The following CFAP61 variants were observed in gnomAD, a reference collection of about 807,000 sequenced individuals.
CFAP61 encodes cilia- and flagella-associated protein 61.
A neutral mutation model predicts 135.6 loss-of-function variants in CFAP61; 107 were observed. That is an observed-to-expected ratio of 0.79 (90% CI 0.67 to 0.93). The LOEUF (loss-of-function observed/expected upper bound fraction) is 0.93, where lower values mean the gene tolerates loss of function less well. CFAP61 is among the 40% of genes least tolerant of loss of function. The pLI is 0.00. For missense variants in CFAP61, 1,507 were observed against 1,556.2 expected (o/e 0.97, Z 0.53); for synonymous variants, 575 against 578.5 (o/e 0.99, Z 0.09).
chr20:20,175,307 T>G (rs1207423665), intron 13 of CFAP61, among the ~76,000 whole-genome samples: 1 of 152,212 alleles, frequency 6.6e-6, no homozygotes, highest in Non-Finnish European at 1.5e-5. Context: ...TGCTCTTCAG[T>G]TCCACTGCAA....
intron 15 of CFAP61, among the ~76,000 whole-genome samples, chr20:20,193,855 C>T: frequency 6.6e-6 from 1 of 152,152 alleles, no homozygotes; most frequent in East Asian, 1.9e-4. Flanking sequence ...TTCAGATGAT[C>T]TGCCCCCCTC....
rs1444759477 is a variant in CFAP61 at position 20,070,897 on chromosome 20, G to C, written c.187G>C (p.Glu63Gln). 1 of 1,614,078 alleles carries C rather than the reference G, an allele frequency of 6.2e-7. No individual in the cohort carries two copies. ...LAVTLCNDKE[E>Q]IMAQATFLDY... ...TGTTACCCTCTGCAATGACAAGGAG[G>C]AGATCATGGCCCAGGCCACCTTCCT... Residue 63 changes from glutamate to glutamine, a missense_variant, in exon 3 of 27, where the codon GAG becomes CAG. By Grantham distance (29) the Glu-to-Gln change is conservative. Coordinates refer to ENST00000245957, the MANE Select transcript of CFAP61 (RefSeq NM_015585.4).
Position 20,081,700 on chromosome 20 carries a change from A to T in CFAP61, c.566+6085A>T, listed in dbSNP as rs79454108. ...TTTTTCTCTTGAAAACTTGAGTGCTATGGACTATAACCTTCAGTGGACAAG... is the reference window on the plus strand; with the variant it reads ...TTTTTCTCTTGAAAACTTGAGTGCTTTGGACTATAACCTTCAGTGGACAAG... On this transcript the variant is annotated intron_variant, in intron 6 of 26. Coordinates refer to ENST00000245957, the MANE Select transcript of CFAP61 (RefSeq NM_015585.4). Among the ~76,000 whole-genome samples the T allele has an allele frequency of 3.6e-3, 543 of 152,136 alleles. 3 individuals are homozygous for T. The highest frequency in any genetic ancestry group is 0.013 in the African/African-American group (525 of 41,480).
chr20:20,358,001 A>G (rs1602195455), intron 26 of CFAP61, among the ~76,000 whole-genome samples: 1 of 109,692 alleles, frequency 9.1e-6, no homozygotes, highest in Non-Finnish European at 1.8e-5. Context: ...GTGTGAGGGG[A>G]GGTGGTCACA....
chr20:20,224,843 G>T (rs539796709), intron 17 of CFAP61, among the ~76,000 whole-genome samples: 1 of 152,026 alleles, frequency 6.6e-6, no homozygotes, highest in Non-Finnish European at 1.5e-5. Flanking sequence ...CTTACAATTC[G>T]CCCTGTTTAA....
chr20:20,278,630 TGG>T (rs1324650206), intron 22 of CFAP61, among the ~76,000 whole-genome samples: 5 of 151,762 alleles, frequency 3.3e-5, no homozygotes, highest in Non-Finnish European at 5.9e-5. Flanking sequence ...TACCTAGGAG[TGG>T]GGGGTGATCA....
chr20:20,175,933 G>A (rs1601184817), intron 13 of CFAP61, among the ~76,000 whole-genome samples: 1 of 151,968 alleles, frequency 6.6e-6, no homozygotes, highest in Non-Finnish European at 1.5e-5. Flanking sequence ...TACAGAATGC[G>A]AGAAAATTTT....
intron 25 of CFAP61, among the ~76,000 whole-genome samples, chr20:20,329,238 T>C (rs1039429208): frequency 6.6e-6 from 1 of 152,132 alleles, no homozygotes; most frequent in Admixed American, 6.5e-5. Flanking sequence ...GGGGCCCTTA[T>C]CCAGCTCCAT....
chr20:20,291,861 T>G (rs1171802681), intron 24 of CFAP61, among the ~76,000 whole-genome samples: 1 of 152,230 alleles, frequency 6.6e-6, no homozygotes, highest in East Asian at 1.9e-4. Flanking sequence ...TATGTCACGT[T>G]TGATTTTTAA....
At chr20:20,075,398 C>T (rs78265606) in intron 5 of CFAP61, 91 bp from the exon 6 acceptor site, 16,455 of 1,348,172 alleles carry the variant, frequency 0.012, 122 homozygotes, top group Non-Finnish European at 0.016. Context: ...AACAATTAAG[C>T]ACAATTTAGA....
At chr20:20,233,980 T>G (rs1370351795) in intron 18 of CFAP61, among the ~76,000 whole-genome samples, 1 of 152,216 alleles carries the variant, frequency 6.6e-6, no homozygotes, top group African/African-American at 2.4e-5. Context: ...GCACAAACCA[T>G]GTACCCGGAT....
chr20:20,234,070 G>A (rs1260760171), intron 18 of CFAP61, among the ~76,000 whole-genome samples: 3 of 152,118 alleles, frequency 2.0e-5, no homozygotes, highest in African/African-American at 7.2e-5. Context: ...TACCTGTCTT[G>A]GTTTGCATTC....
At chr20:20,083,572 T>C (rs533148459) in intron 6 of CFAP61, among the ~76,000 whole-genome samples, 1 of 152,240 alleles carries the variant, frequency 6.6e-6, no homozygotes, top group Non-Finnish European at 1.5e-5. Context: ...CTTTTAACTC[T>C]TAAGGCAATC....
At chr20:20,187,250 C>T (rs2055571650) in intron 13 of CFAP61, among the ~76,000 whole-genome samples, 1 of 152,184 alleles carries the variant, frequency 6.6e-6, no homozygotes, top group Non-Finnish European at 1.5e-5. Context: ...CCAACCAAAG[C>T]AACCAATGTC....
chr20:20,284,254 A>G (rs1273425933), intron 22 of CFAP61, among the ~76,000 whole-genome samples: 1 of 52,164 alleles, frequency 1.9e-5, no homozygotes. Flanking sequence ...TTGGCTCTTT[A>G]TTTTATTTTA....
At chr20:20,148,917 G>A (rs2052148873) in intron 9 of CFAP61, among the ~76,000 whole-genome samples, 1 of 152,124 alleles carries the variant, frequency 6.6e-6, no homozygotes, top group Admixed American at 6.5e-5. Context: ...TCAATATGAT[G>A]TTGACAATAC....
At chr20:20,200,789 C>T (rs1459845500) in intron 17 of CFAP61, 8 of 985,394 alleles carry the variant, frequency 8.1e-6, no homozygotes, top group Non-Finnish European at 9.6e-6. Context: ...ATACGCTCGG[C>T]GCTGCAGGAA....
At position 20,161,368 on chromosome 20, in the gene CFAP61, G is replaced by T. The variant is rs540275539; in HGVS notation, c.1026+1924G>T. Reference sequence around the variant, plus strand: ...ATTTTTATCTCCTCTCCCTACCGGAGAAAAACACTGAAATGACAGTAAAGG... The same window carrying T: ...ATTTTTATCTCCTCTCCCTACCGGATAAAAACACTGAAATGACAGTAAAGG... On this transcript the variant is annotated intron_variant, in intron 10 of 26. Transcript: ENST00000245957. Among the ~76,000 whole-genome samples the T allele has an allele frequency of 3.5e-4, 53 of 152,244 alleles. No homozygotes were observed. In the South Asian group the frequency reaches 0.011, roughly 32 times the overall value.
At chr20:20,184,233 T>C (rs1248448134) in intron 13 of CFAP61, among the ~76,000 whole-genome samples, 1 of 152,198 alleles carries the variant, frequency 6.6e-6, no homozygotes, top group Non-Finnish European at 1.5e-5. Flanking sequence ...GTATTTATTA[T>C]ATGTAAAAAA....
Sources: gnomAD v4.1 joint callset for allele counts (sites outside exome capture counted in the v4.1 genomes callset) on GRCh38, gnomAD v4.1.1 for gene constraint, MANE v1.5 for transcripts, NCBI Gene and HGNC (gene_info 2026-07-23, HGNC 2026-07-21) for gene names.